COL6A6: variants seen among roughly 807,000 people sequenced by gnomAD.
The protein encoded by COL6A6 is collagen type VI alpha 6 chain.
In COL6A6, 183 loss-of-function variants were observed where a neutral mutation model predicts 208.6. The observed-to-expected ratio is 0.88, with a 90% CI of 0.78 to 0.99. The LOEUF (loss-of-function observed/expected upper bound fraction) is 0.99, where lower values mean the gene tolerates loss of function less well. Ranked by LOEUF, COL6A6 falls within the 50% of genes least tolerant of loss-of-function variation. COL6A6 has a pLI of 0.00. For synonymous variants in COL6A6, 973 were observed against 1,011.8 expected (o/e 0.96, Z 0.73); for missense variants, 2,816 against 2,815.2 (o/e 1.00, Z -0.01).
In COL6A6 at chr3:130,573,977, A is replaced by G; in HGVS notation, c.2999A>G (p.Asp1000Gly). The G allele has an allele frequency of 1.2e-6, 2 of 1,610,894 alleles. No homozygotes were observed. The highest frequency in any genetic ancestry group is 2.2e-5 in the South Asian group (2 of 90,978). Residue 1000 changes from aspartate to glycine, a missense_variant, in exon 8 of 37, where the codon GAT (aspartate) becomes GGT (glycine). Coordinates refer to ENST00000358511, the MANE Select transcript of COL6A6 (RefSeq NM_001102608.3). ...SKVDCEIDKV[D>G]LVFLMDGSTS... ...GTAGATTGTGAAATTGACAAAGTAG[A>G]TCTTGTTTTCCTTATGGATGGTTCA...
intron 1 of COL6A6, among the ~76,000 whole-genome samples, chr3:130,537,799 C>T (rs2062258882): frequency 6.6e-6 from 1 of 152,152 alleles, no homozygotes; most frequent in Non-Finnish European, 1.5e-5. Context: ...TTCAGACTAG[C>T]TGATGTCATT....
intron 33 of COL6A6, among the ~76,000 whole-genome samples, chr3:130,653,160 A>T (rs2065693471): frequency 6.6e-6 from 1 of 152,180 alleles, no homozygotes; most frequent in Non-Finnish European, 1.5e-5. Flanking sequence ...GCTTCTTCTG[A>T]TAAAATTTGA....
intron 26 of COL6A6, among the ~76,000 whole-genome samples, chr3:130,628,412 C>T (rs981862904): frequency 6.6e-6 from 1 of 152,046 alleles, no homozygotes; most frequent in Admixed American, 6.6e-5. Context: ...AAACATTTAT[C>T]CCAATTGTGT....
chr3:130,620,633 T>C (rs988482784), intron 23 of COL6A6, among the ~76,000 whole-genome samples: 8 of 152,336 alleles, frequency 5.3e-5, no homozygotes, highest in Non-Finnish European at 1.2e-4. Context: ...TAGGGTATTA[T>C]GGAAAGATTC....
intron 20 of COL6A6, among the ~76,000 whole-genome samples, chr3:130,604,444 G>A (rs923954823): frequency 7.5e-5 from 11 of 145,714 alleles, no homozygotes; most frequent in Admixed American, 4.2e-4. Flanking sequence ...GCAGTGAGCC[G>A]AAATCGCGCC....
Position 130,570,822 on chromosome 3 carries a change from C to G in COL6A6, c.2406C>G (p.Cys802Trp). The stretch of plus-strand genomic sequence containing the variant: ...ACCTCTCTCTTCCTCTTTCAGAATG[C>G]AAGCGGATTGAAGTTTTAGACGTTG... ...VFGICSPREE[C>W]KRIEVLDVVF... The change falls in exon 7 of 37, where the codon TGC becomes TGG. Residue 802 changes from cysteine (C) to tryptophan (W), a missense_variant. Physicochemically the swap from Cys to Trp is radical, Grantham distance 215 (BLOSUM62 -2). Coordinates refer to ENST00000358511, the MANE Select transcript of COL6A6 (RefSeq NM_001102608.3). 1.9e-6 allele frequency: 3 copies of G among 1,606,992 alleles called. No individual in the cohort carries two copies. The highest frequency in any genetic ancestry group is 2.6e-6 in the Non-Finnish European group (3 of 1,175,610).
At chr3:130,605,060 A>C (rs2064143496) in intron 20 of COL6A6, among the ~76,000 whole-genome samples, 1 of 152,174 alleles carries the variant, frequency 6.6e-6, no homozygotes. Context: ...AGATGGCCTT[A>C]CTGCTGCTAC....
intron 36 of COL6A6, among the ~76,000 whole-genome samples, chr3:130,675,001 C>T (rs1312904237): frequency 6.6e-6 from 1 of 152,218 alleles, no homozygotes; most frequent in East Asian, 1.9e-4. Context: ...AATACTTTTG[C>T]ATACTTTGAT....
At chr3:130,565,678 G>C in intron 4 of COL6A6, 64 bp downstream of exon 4, 1 of 1,483,892 alleles carries the variant, frequency 6.7e-7, no homozygotes, top group Non-Finnish European at 9.0e-7. Context: ...CAAATATTCT[G>C]TATACAAAGT....
chr3:130,664,924 G>T, intron 35 of COL6A6, 79 bp from the exon 36 acceptor site: 1 of 885,402 alleles, frequency 1.1e-6, no homozygotes, highest in South Asian at 1.6e-5. Context: ...ACAGTAAAGT[G>T]GCACTTTGTG....
chr3:130,552,766 T>C (rs1476279820), intron 1 of COL6A6, among the ~76,000 whole-genome samples: 1 of 152,212 alleles, frequency 6.6e-6, no homozygotes, highest in Non-Finnish European at 1.5e-5. Flanking sequence ...CTTCAGTGTG[T>C]TTTTGTGGTA....
At chr3:130,644,557 CAT>C (rs1466590611) in intron 31 of COL6A6, among the ~76,000 whole-genome samples, 2 of 152,050 alleles carry the variant, frequency 1.3e-5, no homozygotes, top group African/African-American at 4.8e-5. Context: ...ATAGTATACA[CAT>C]ATATACTATA....
At chr3:130,557,317 A>G (rs1004302874) in intron 1 of COL6A6, among the ~76,000 whole-genome samples, 1 of 152,212 alleles carries the variant, frequency 6.6e-6, no homozygotes, top group Non-Finnish European at 1.5e-5. Flanking sequence ...ACTTGCTTGT[A>G]CCACAAGTGC....
At chr3:130,635,864 C>A in intron 28 of COL6A6, 103 bp downstream of exon 28, 1 of 836,872 alleles carries the variant, frequency 1.2e-6, no homozygotes, top group Non-Finnish European at 1.9e-6. Context: ...CAGTGACTTG[C>A]AAAATGCATG....
chr3:130,589,015 CG>C, intron 11 of COL6A6, 74 bp from the exon 12 acceptor site: 6 of 1,073,328 alleles, frequency 5.6e-6, no homozygotes, highest in Non-Finnish European at 8.4e-6. Flanking sequence ...AAGTCTGGAT[CG>C]CATGGTTGAA....
At chr3:130,591,961 C>T (rs1487049115) in intron 13 of COL6A6, among the ~76,000 whole-genome samples, 1 of 152,156 alleles carries the variant, frequency 6.6e-6, no homozygotes, top group East Asian at 1.9e-4. Flanking sequence ...CAGAGAAGAT[C>T]ATGTTCATAA....
At position 130,653,648 on chromosome 3, in the gene COL6A6, T is replaced by C. The variant is rs553093150; in HGVS notation, c.5733+4086T>C. Among the ~76,000 whole-genome samples the C allele has an allele frequency of 1.0e-3, 155 of 152,314 alleles. 1 individual carries two copies. The highest frequency in any genetic ancestry group is 3.7e-3 in the African/African-American group (153 of 41,582). The stretch of plus-strand genomic sequence containing the variant: ...ACAGGAGAGTGAGCAATAAGAAACA[T>C]AAATAATAGGACCATTTTATTTTAA... On this transcript the variant is annotated intron_variant, in intron 33 of 36. Coordinates refer to ENST00000358511, the MANE Select transcript of COL6A6 (RefSeq NM_001102608.3).
rs765180776 is a variant in COL6A6 at position 130,563,195 on chromosome 3, C to T, written c.192C>T (p.Tyr64=). Residue 64 remains tyrosine (Y), a synonymous_variant, in exon 3 of 37, where the codon TAC becomes TAT. Transcript: ENST00000358511. ...ISSLPIEADK[Y]RVALAQYSDK... ...GTCTCCCCATAGAGGCCGACAAATA[C>T]CGTGTGGCCCTGGCCCAGTACAGTG... is the stretch of plus-strand genomic sequence containing the variant. 6.2e-7 allele frequency: 1 copy of T among 1,613,986 alleles called. No homozygotes were observed. Among genetic ancestry groups the T allele is most frequent in the Non-Finnish European group, 8.5e-7 (1 of 1,179,880 alleles).
intron 8 of COL6A6, among the ~76,000 whole-genome samples, chr3:130,575,099 A>G (rs1056590565): frequency 7.9e-5 from 12 of 152,142 alleles, no homozygotes; most frequent in Admixed American, 2.6e-4. Context: ...TGGGTTGGTT[A>G]TGATTCTATA....
Sources: allele counts gnomAD v4.1 joint callset (sites outside exome capture counted in the v4.1 genomes callset), GRCh38; gene constraint gnomAD v4.1.1; transcripts MANE v1.5; gene names NCBI Gene and HGNC (gene_info 2026-07-23, HGNC 2026-07-21).